The following HSPA13 variants were observed in gnomAD, a reference collection of about 807,000 sequenced individuals.
HSPA13 encodes heat shock protein family A (Hsp70) member 13.
Under a neutral mutation model 38.8 loss-of-function variants are expected in HSPA13, and 29 were observed. The ratio of observed to expected loss-of-function variants is 0.75; its 90% confidence interval spans 0.56 to 1.02. The LOEUF (loss-of-function observed/expected upper bound fraction) is 1.02, where lower values mean the gene tolerates loss of function less well. Among genes scored for constraint, HSPA13 ranks in the 50% least tolerant of loss-of-function variants. HSPA13 has a pLI of 0.00. For missense variants in HSPA13, 451 were observed against 560.9 expected (o/e 0.80, Z 1.98); for synonymous variants, 192 against 205.3 (o/e 0.94, Z 0.56).
Position 14,372,975 on chromosome 21 carries a change from CT to C in HSPA13, c.*641del, listed in dbSNP as rs1982861421. On this transcript the variant is annotated 3_prime_UTR_variant, in exon 5 of 5. Coordinates refer to ENST00000285667, the MANE Select transcript of HSPA13 (RefSeq NM_006948.5). ...ATATGGTGCTGAAACATTTGAATAC[CT>C]TTAGAAATAAAATAAATTCATCTAT... 1 of 152,090 alleles carries C rather than the reference CT, an allele frequency of 6.6e-6. No homozygotes were observed. Among genetic ancestry groups the C allele is most frequent in the South Asian group, 2.1e-4 (1 of 4,828 alleles). The allele number at this position is 152,090 out of a possible 1,614,324, so 9.4% of individuals were successfully genotyped here.
At chr21:14,376,763 T>A (rs1247519729) in intron 3 of HSPA13, among the ~76,000 whole-genome samples, 3 of 152,222 alleles carry the variant, frequency 2.0e-5, no homozygotes, top group Non-Finnish European at 4.4e-5. Context: ...CTCTTCTTCC[T>A]ACAACACACT....
intron 3 of HSPA13, among the ~76,000 whole-genome samples, chr21:14,377,607 C>T (rs866220972): frequency 9.2e-5 from 14 of 151,996 alleles, no homozygotes; most frequent in African/African-American, 3.4e-4. Context: ...GAGGGTATTG[C>T]CAAAGGAGAG....
intron 4 of HSPA13, among the ~76,000 whole-genome samples, chr21:14,375,274 A>C (rs543578763): frequency 5.3e-5 from 8 of 152,280 alleles, no homozygotes; most frequent in Admixed American, 5.2e-4. Context: ...GTAATTGGGT[A>C]ACTGGCAATG....
At position 14,371,333 on chromosome 21, in the gene HSPA13, A is replaced by G. The variant is rs1982822174; in HGVS notation, c.*2284T>C. 1 of 152,634 alleles carries G rather than the reference A, an allele frequency of 6.6e-6. No homozygotes were observed. Among genetic ancestry groups the G allele is most frequent in the Admixed American group, 6.5e-5 (1 of 15,284 alleles). The allele number at this position is 152,634 out of a possible 1,614,324, so 9.5% of individuals were successfully genotyped here. ...TTACTCATTCACATATTCTAATCAT[A>G]CAAGACACTTAATATTTTAAAAGTT... On this transcript the variant is annotated 3_prime_UTR_variant, in exon 5 of 5. Coordinates refer to ENST00000285667, the MANE Select transcript of HSPA13 (RefSeq NM_006948.5).
In HSPA13 at chr21:14,374,122, G is replaced by T; in HGVS notation, c.911C>A (p.Ser304Tyr). 1 of 1,614,132 alleles carries T rather than the reference G, an allele frequency of 6.2e-7. No homozygotes were observed. Among genetic ancestry groups the T allele is most frequent in the Non-Finnish European group, 8.5e-7 (1 of 1,180,030 alleles). Reference sequence around the variant, plus strand: ...CGTTAGTAATACTGACAACTGAGCAGATTGATGAAGAGTCAGATTTAATTT... The same window carrying T: ...CGTTAGTAATACTGACAACTGAGCATATTGATGAAGAGTCAGATTTAATTT... ...MVKLNLTLHQSAQLSVLLTVE... is the reference protein window; with the variant it reads ...MVKLNLTLHQYAQLSVLLTVE... The change falls in exon 5 of 5, where the codon TCT becomes TAT. Residue 304 changes from serine (S) to tyrosine (Y), a missense_variant. Coordinates refer to ENST00000285667, the MANE Select transcript of HSPA13 (RefSeq NM_006948.5).
intron 2 of HSPA13, among the ~76,000 whole-genome samples, chr21:14,379,166 C>A (rs956000984): frequency 6.7e-6 from 1 of 148,600 alleles, no homozygotes; most frequent in South Asian, 2.2e-4. Context: ...TTTAGTACAT[C>A]ATTATGTACT....
rs979732345 is a variant in HSPA13, at chr21:14,379,333, T to TA, written c.367-922dup. 4.6e-5 allele frequency among the ~76,000 whole-genome samples: 7 copies of TA among 152,194 alleles called. No homozygotes were observed. The South Asian group carries it at 8.3e-4, about 18-fold the overall frequency. Reference sequence around the variant, plus strand: ...TTTACCAAGATTCTATTAATATAAATAAAAAAGAGAATTAATCTAAGAAAT... The same window carrying TA: ...TTTACCAAGATTCTATTAATATAAATAAAAAAAGAGAATTAATCTAAGAAAT... On this transcript the variant is annotated intron_variant, in intron 2 of 4. Coordinates refer to ENST00000285667, the MANE Select transcript of HSPA13 (RefSeq NM_006948.5).
At chr21:14,375,862 G>A (rs766795249) in intron 3 of HSPA13, 43 bp from the exon 4 acceptor site, 65 of 1,510,228 alleles carry the variant, frequency 4.3e-5, no homozygotes, top group Middle Eastern at 1.7e-4. Flanking sequence ...GAGAGGATGC[G>A]ATCAAGTAAT....
chr21:14,372,208 T>C lies in HSPA13; in HGVS notation c.*1409A>G, dbSNP rs1982843122. The C allele has an allele frequency of 6.6e-6, 1 of 151,914 alleles. No individual in the cohort carries two copies. Among genetic ancestry groups the C allele is most frequent in the Admixed American group, 6.6e-5 (1 of 15,248 alleles). The allele number at this position is 151,914 out of a possible 1,614,324, so 9.4% of individuals were successfully genotyped here. On this transcript the variant is annotated 3_prime_UTR_variant, in exon 5 of 5. Coordinates refer to ENST00000285667, the MANE Select transcript of HSPA13 (RefSeq NM_006948.5). Reference sequence around the variant, plus strand: ...ACATCCTATCGAATTCAGCAATGGATAAAGCAGAGATACTTTACAATAAAA... The same window carrying C: ...ACATCCTATCGAATTCAGCAATGGACAAAGCAGAGATACTTTACAATAAAA...
Position 14,381,445 on chromosome 21 carries a change from A to G in HSPA13, c.124T>C (p.Tyr42His). 6.2e-7 allele frequency: 1 copy of G among 1,614,160 alleles called. No homozygotes were observed. The highest frequency in any genetic ancestry group is 2.2e-5 in the East Asian group (1 of 44,882). ...KVIGIDLGTT[Y>H]CSVGVFFPGT... is the part of the protein sequence containing the mutation. ...GGAAAAAACACCCCAACAGAACAAT[A>G]GGTGGTGCCAAGATCAATACCAATC... The change falls in exon 2 of 5, where the codon TAT (tyrosine) becomes CAT (histidine). Residue 42 changes from tyrosine (Y) to histidine (H), a missense_variant. Physicochemically the swap from Tyr to His is moderately conservative, Grantham distance 83 (BLOSUM62 2). Transcript: ENST00000285667.
intron 1 of HSPA13, among the ~76,000 whole-genome samples, chr21:14,381,909 A>C (rs1178430731): frequency 1.3e-5 from 2 of 152,224 alleles, no homozygotes; most frequent in Non-Finnish European, 2.9e-5. Flanking sequence ...TTCTTGATCA[A>C]TTGATATTTA....
At chr21:14,382,621 G>A (rs928668690) in intron 1 of HSPA13, among the ~76,000 whole-genome samples, 2 of 152,102 alleles carry the variant, frequency 1.3e-5, no homozygotes, top group Non-Finnish European at 2.9e-5. Context: ...GAGACGCGGG[G>A]TGGGTGTGTG....
intron 1 of HSPA13, 88 bp from the exon 2 acceptor site, chr21:14,381,631 G>A (rs1984173069): frequency 8.7e-6 from 10 of 1,154,874 alleles, no homozygotes; most frequent in Admixed American, 3.1e-5. Context: ...AATATCACTC[G>A]TTGAAACAAG....
At position 14,374,076 on chromosome 21, in the gene HSPA13, C is replaced by T. The variant is rs376785279; in HGVS notation, c.957G>A (p.Lys319=). 6.2e-7 allele frequency: 1 copy of T among 1,614,136 alleles called. No homozygotes were observed. The change falls in exon 5 of 5, where the codon AAG becomes AAA. Residue 319 remains lysine (K), a synonymous_variant. Transcript: ENST00000285667. ...VLLTVEEQDR[K]EPHSSDTELP... ...GTTCAGTGTCACTACTGTGAGGTTCCTTCCTGTCCTGCTCCTCCACCGTTA... is the reference window on the plus strand; with the variant it reads ...GTTCAGTGTCACTACTGTGAGGTTCTTTCCTGTCCTGCTCCTCCACCGTTA...
In HSPA13 at chr21:14,373,346, T is replaced by C. The variant is rs1219527895; in HGVS notation, c.*271A>G. ...TTATCAACCTCCAGAATCCAGAAAA[T>C]ATAGTTATCCATACTCTTTTAAGAG... is the stretch of plus-strand genomic sequence containing the variant. On this transcript the variant is annotated 3_prime_UTR_variant, in exon 5 of 5. Transcript: ENST00000285667. 1 of 346,976 alleles carries C rather than the reference T, an allele frequency of 2.9e-6. No homozygotes were observed. The highest frequency in any genetic ancestry group is 5.2e-6 in the Non-Finnish European group (1 of 192,332). The allele number at this position is 346,976 out of a possible 1,614,324, so 21.5% of individuals were successfully genotyped here.
rs1387921973 is a variant in HSPA13 at position 14,373,472 on chromosome 21, A to G, written c.*145T>C. On this transcript the variant is annotated 3_prime_UTR_variant, in exon 5 of 5. Transcript: ENST00000285667. The stretch of plus-strand genomic sequence containing the variant: ...GTCACGTCTAATCCTAAGACAAAAC[A>G]CTATGTAAAATTTTCCTGTATCTAA... 4.1e-5 allele frequency: 27 copies of G among 665,070 alleles called. No homozygotes were observed. Among genetic ancestry groups the G allele is most frequent in the Non-Finnish European group, 6.0e-5 (24 of 398,086 alleles). 41.2% of individuals were successfully genotyped at this position (665,070 alleles called of 1,614,324 possible). A position where few individuals can be genotyped will look rare whatever the true frequency, so the allele number is the denominator to read the frequency against.
Position 14,373,952 on chromosome 21 carries a change from A to C in HSPA13, c.1081T>G (p.Phe361Val), listed in dbSNP as rs1206184161. Reference protein sequence around the residue: ...DKKSGESQVLFETEISRKLFD... With the variant: ...DKKSGESQVLVETEISRKLFD... ...AGTTTCCGTGATATTTCTGTTTCAA[A>C]TAAAACCTGACTTTCTCCACTTTTC... The change falls in exon 5 of 5, where the codon TTT becomes GTT. Residue 361 changes from phenylalanine to valine, a missense_variant. Physicochemically the swap from Phe to Val is conservative, Grantham distance 50. Coordinates refer to ENST00000285667, the MANE Select transcript of HSPA13 (RefSeq NM_006948.5). 6.2e-7 allele frequency: 1 copy of C among 1,614,200 alleles called. No individual in the cohort carries two copies. The highest frequency in any genetic ancestry group is 1.1e-5 in the South Asian group (1 of 91,082).
At position 14,375,713 on chromosome 21, in the gene HSPA13, T is replaced by C; in HGVS notation, c.687A>G (p.Gly229=). 6.2e-7 allele frequency: 1 copy of C among 1,614,080 alleles called. No homozygotes were observed. The highest frequency in any genetic ancestry group is 8.5e-7 in the Non-Finnish European group (1 of 1,179,974). Residue 229 remains glycine (G), a synonymous_variant, in exon 4 of 5, where the codon GGA becomes GGG. Coordinates refer to ENST00000285667, the MANE Select transcript of HSPA13 (RefSeq NM_006948.5). The part of the protein sequence containing the change: ...FHVLVIDLGG[G]TLDVSLLNKQ... ...TATTCAGTAAAGACACATCTAGAGT[T>C]CCTCCGCCCAAGTCTATCACCAAGA...
At chr21:14,381,671 A>T (rs1984174387) in intron 1 of HSPA13, 128 bp from the exon 2 acceptor site, 3 of 717,180 alleles carry the variant, frequency 4.2e-6, no homozygotes, top group Non-Finnish European at 6.4e-6. Flanking sequence ...AAAATTTTTT[A>T]TAGGACTGCT....
Sources: allele counts gnomAD v4.1 joint callset (sites outside exome capture counted in the v4.1 genomes callset), GRCh38; gene constraint gnomAD v4.1.1; transcripts MANE v1.5; gene names NCBI Gene and HGNC (gene_info 2026-07-23, HGNC 2026-07-21).